Variants in DOCK2 observed in about 807,000 individuals in gnomAD.
DOCK2 encodes dedicator of cytokinesis 2.
In DOCK2, 87 loss-of-function variants were observed where a neutral mutation model predicts 248.9. That is an observed-to-expected ratio of 0.35 (90% CI 0.29 to 0.42). The LOEUF is 0.42. Among genes scored for constraint, DOCK2 ranks in the 10% least tolerant of loss-of-function variants. The pLI, the probability that DOCK2 is intolerant of heterozygous loss-of-function variation, is 1.00. For synonymous variants in DOCK2, 805 were observed against 821.6 expected (o/e 0.98, Z 0.35); for missense variants, 1,747 against 2,300.2 (o/e 0.76, Z 4.92).
intron 23 of DOCK2, among the ~76,000 whole-genome samples, chr5:169,749,684 A>T (rs1445531284): frequency 6.6e-6 from 1 of 152,214 alleles, no homozygotes; most frequent in Non-Finnish European, 1.5e-5. Flanking sequence ...CATACTCACT[A>T]CCACGGCATT....
chr5:170,042,611 A>G (rs1019632962), intron 38 of DOCK2, among the ~76,000 whole-genome samples: 1 of 151,984 alleles, frequency 6.6e-6, no homozygotes, highest in Non-Finnish European at 1.5e-5. Flanking sequence ...AAACTCAGGG[A>G]CTGTGTACTT....
At chr5:169,758,059 C>T (rs998681025) in intron 23 of DOCK2, among the ~76,000 whole-genome samples, 5 of 144,616 alleles carry the variant, frequency 3.5e-5, no homozygotes, top group African/African-American at 1.4e-4. Context: ...GATATACAAA[C>T]AGTATTTTTT....
chr5:170,034,329 A>G, intron 34 of DOCK2, 70 bp from the exon 35 acceptor site: 3 of 1,580,610 alleles, frequency 1.9e-6, no homozygotes, highest in Non-Finnish European at 2.6e-6. Context: ...GCTCCATCCC[A>G]CCGCCCACTG....
chr5:169,883,371 C>T, intron 27 of DOCK2: 1 of 1,551,672 alleles, frequency 6.4e-7, no homozygotes, highest in Non-Finnish European at 8.7e-7. Context: ...TGCTTTGCAC[C>T]TTGGGGACCC....
At chr5:169,892,005 A>G (rs561198186) in intron 27 of DOCK2, among the ~76,000 whole-genome samples, 1 of 151,350 alleles carries the variant, frequency 6.6e-6, no homozygotes, top group South Asian at 2.1e-4. Flanking sequence ...CAAAAAAAAA[A>G]AAAAAAAGAA....
intron 27 of DOCK2, among the ~76,000 whole-genome samples, chr5:169,879,853 C>T (rs1433693831): frequency 2.0e-5 from 3 of 152,118 alleles, no homozygotes; most frequent in African/African-American, 7.2e-5. Context: ...CACCCCTTGC[C>T]CTTTTTACTT....
chr5:169,756,276 C>T (rs1181711068), intron 23 of DOCK2, among the ~76,000 whole-genome samples: 2 of 152,216 alleles, frequency 1.3e-5, no homozygotes, highest in South Asian at 2.1e-4. Flanking sequence ...CTGATAACTG[C>T]GGTTCCATCG....
At chr5:169,853,397 C>G (rs1284668305) in intron 27 of DOCK2, among the ~76,000 whole-genome samples, 1 of 152,228 alleles carries the variant, frequency 6.6e-6, no homozygotes, top group Non-Finnish European at 1.5e-5. Flanking sequence ...CTTTAAGTGA[C>G]TCAAAGGAAT....
chr5:169,704,986 A>C (rs1761186114), intron 14 of DOCK2, among the ~76,000 whole-genome samples: 2 of 152,152 alleles, frequency 1.3e-5, no homozygotes, highest in South Asian at 2.1e-4. Context: ...AGAAGGTGAA[A>C]CCTTGTCTTT....
At chr5:169,732,980 T>C (rs562235444) in intron 22 of DOCK2, among the ~76,000 whole-genome samples, 20 of 152,322 alleles carry the variant, frequency 1.3e-4, no homozygotes, top group Non-Finnish European at 2.5e-4. Flanking sequence ...CATATTGTGC[T>C]TTGGATATTT....
At chr5:169,848,749 G>A (rs1232753963) in intron 27 of DOCK2, among the ~76,000 whole-genome samples, 1 of 152,220 alleles carries the variant, frequency 6.6e-6, no homozygotes, top group African/African-American at 2.4e-5. Flanking sequence ...GAGTGATTAA[G>A]TAAAGGTAAA....
chr5:170,049,203 C>T (rs758456868), intron 40 of DOCK2, among the ~76,000 whole-genome samples: 11 of 152,242 alleles, frequency 7.2e-5, no homozygotes, highest in Non-Finnish European at 1.2e-4. Flanking sequence ...CAACCTCTGC[C>T]TCCTGGGTTC....
At chr5:169,951,035 C>T (rs183539995) in intron 27 of DOCK2, among the ~76,000 whole-genome samples, 1 of 152,350 alleles carries the variant, frequency 6.6e-6, no homozygotes, top group Non-Finnish European at 1.5e-5. Flanking sequence ...GCCAGCGTCA[C>T]CGGTCCTGCA....
chr5:169,826,173 T>C (rs1328220788), intron 26 of DOCK2, among the ~76,000 whole-genome samples: 1 of 152,164 alleles, frequency 6.6e-6, no homozygotes, highest in African/African-American at 2.4e-5. Context: ...AGCATGATGG[T>C]ATACTTTGGA....
intron 2 of DOCK2, among the ~76,000 whole-genome samples, chr5:169,654,761 T>C (rs1216499571): frequency 6.6e-6 from 1 of 152,226 alleles, no homozygotes; most frequent in Non-Finnish European, 1.5e-5. Flanking sequence ...TCTTCCTAGA[T>C]ACAGTTCTTT....
intron 25 of DOCK2, among the ~76,000 whole-genome samples, chr5:169,769,090 T>C (rs1247351527): frequency 6.6e-6 from 1 of 152,220 alleles, no homozygotes; most frequent in Non-Finnish European, 1.5e-5. Flanking sequence ...AAAATGAAGC[T>C]GCTTCTTTTT....
intron 2 of DOCK2, among the ~76,000 whole-genome samples, chr5:169,658,404 T>C (rs1581398781): frequency 7.5e-6 from 1 of 132,628 alleles, no homozygotes; most frequent in African/African-American, 2.9e-5. Context: ...TGCGTGAACC[T>C]GGGAGGCGGA....
chr5:169,759,671 A>T (rs1764372647), intron 23 of DOCK2, 34 bp from the exon 24 acceptor site: 1 of 1,612,242 alleles, frequency 6.2e-7, no homozygotes, highest in African/African-American at 1.3e-5. Flanking sequence ...TGTTGATGTG[A>T]GGATCACTTA....
At chr5:169,965,192 A>G (rs1777251631) in intron 27 of DOCK2, among the ~76,000 whole-genome samples, 2 of 152,138 alleles carry the variant, frequency 1.3e-5, no homozygotes, top group Non-Finnish European at 2.9e-5. Flanking sequence ...TTGAATACCC[A>G]CTGTGTGCTA....
Sources: gnomAD v4.1 joint callset for allele counts (sites outside exome capture counted in the v4.1 genomes callset) on GRCh38, gnomAD v4.1.1 for gene constraint, MANE v1.5 for transcripts, NCBI Gene and HGNC (gene_info 2026-07-23, HGNC 2026-07-21) for gene names.